Variants in FGF14 observed in about 807,000 individuals in gnomAD.
FGF14 encodes fibroblast growth factor 14, also known as fibroblast growth factor homologous factor 4.
Under a neutral mutation model 25.5 loss-of-function variants are expected in FGF14, and 5 were observed. That is an observed-to-expected ratio of 0.20 (90% CI 0.10 to 0.41). FGF14 has a LOEUF of 0.41. Ranked by LOEUF, FGF14 falls within the 10% of genes least tolerant of loss-of-function variation. The probability of loss-of-function intolerance (pLI) is 1.00; values close to 1 mark genes in which losing one functional copy is unlikely to be tolerated. For synonymous variants in FGF14, 138 were observed against 118.3 expected (o/e 1.17, Z -1.08); for missense variants, 222 against 320.1 (o/e 0.69, Z 2.34).
At chr13:102,127,249 C>T (rs1245237847) in intron 1 of FGF14, among the ~76,000 whole-genome samples, 1 of 151,950 alleles carries the variant, frequency 6.6e-6, no homozygotes, top group African/African-American at 2.4e-5. Flanking sequence ...TTATAATAAA[C>T]CTGAAGTATT....
intron 1 of FGF14, among the ~76,000 whole-genome samples, chr13:102,087,575 C>CTTA (rs2043975831): frequency 1.3e-5 from 1 of 79,878 alleles, no homozygotes; most frequent in Non-Finnish European, 2.2e-5. Flanking sequence ...CCATGCCTGG[C>CTTA]TTTTTTTTTT....
In FGF14 at chr13:102,385,975, T is replaced by C. The variant is rs144043477; in HGVS notation, c.208+15496A>G. Among the ~76,000 whole-genome samples, 373 of 152,270 alleles carry C rather than the reference T, an allele frequency of 2.4e-3. 1 individual carries two copies. Among genetic ancestry groups the C allele is most frequent in the Middle Eastern group, 0.02 (6 of 294 alleles). On this transcript the variant is annotated intron_variant, in intron 1 of 4. Transcript: ENST00000376131. Reference sequence around the variant, plus strand: ...TATAGCGTTTAGGAAATAAATATGATGTGTTTTACCCGAACGTCACTTTTA... The same window carrying C: ...TATAGCGTTTAGGAAATAAATATGACGTGTTTTACCCGAACGTCACTTTTA...
chr13:102,309,876 G>T (rs1184224721), intron 1 of FGF14, among the ~76,000 whole-genome samples: 1 of 152,110 alleles, frequency 6.6e-6, no homozygotes, highest in Non-Finnish European at 1.5e-5. Flanking sequence ...TTGAATCTCA[G>T]CAACTCTTGG....
Position 102,051,375 on chromosome 13 carries a change from G to A in FGF14, c.209-176079C>T, listed in dbSNP as rs114385310. 6.6e-3 allele frequency among the ~76,000 whole-genome samples: 1,005 copies of A among 152,116 alleles called. 8 individuals carry two copies. The highest frequency in any genetic ancestry group is 0.022 in the African/African-American group (924 of 41,504). On this transcript the variant is annotated intron_variant, in intron 1 of 4. Transcript: ENST00000376131. ...TGAGTATCATTGCCATTACTTTCCC[G>A]GATCCCAGAGCCACAGAAACTCTGT...
intron 2 of FGF14, among the ~76,000 whole-genome samples, chr13:101,871,891 A>G (rs75225552): frequency 0.035 from 5,266 of 152,076 alleles, 330 homozygotes; most frequent in African/African-American, 0.12. Flanking sequence ...TTTACCCATC[A>G]TCCACAATTT....
chr13:101,963,285 T>C (rs1366999711), intron 1 of FGF14, among the ~76,000 whole-genome samples: 1 of 152,238 alleles, frequency 6.6e-6, no homozygotes, highest in Non-Finnish European at 1.5e-5. Flanking sequence ...ATTTTATTTA[T>C]CTAGGGAGTG....
At chr13:102,174,113 A>G (rs1056920467) in intron 1 of FGF14, among the ~76,000 whole-genome samples, 2 of 151,034 alleles carry the variant, frequency 1.3e-5, no homozygotes, top group South Asian at 4.2e-4. Context: ...TACGAAACAA[A>G]ACATGCAAAA....
chr13:101,899,765 A>C (rs2138972316), intron 1 of FGF14, among the ~76,000 whole-genome samples: 1 of 152,234 alleles, frequency 6.6e-6, no homozygotes. Flanking sequence ...TGAAGGCAAA[A>C]ACTGACAGGT....
At chr13:102,115,340 T>C (rs142031334) in intron 1 of FGF14, among the ~76,000 whole-genome samples, 32 of 152,308 alleles carry the variant, frequency 2.1e-4, no homozygotes, top group Non-Finnish European at 4.0e-4. Flanking sequence ...TGCAGTCTTA[T>C]CACAATCATC....
chr13:101,784,850 T>C (rs1469877348), intron 3 of FGF14, among the ~76,000 whole-genome samples: 1 of 152,182 alleles, frequency 6.6e-6, no homozygotes. Flanking sequence ...CTCATATCAC[T>C]GCATACGCAA....
At chr13:102,170,499 G>A (rs2048203393) in intron 1 of FGF14, among the ~76,000 whole-genome samples, 3 of 152,140 alleles carry the variant, frequency 2.0e-5, no homozygotes, top group African/African-American at 7.2e-5. Flanking sequence ...CAGAAGCACA[G>A]CGTGACATTT....
intron 3 of FGF14, among the ~76,000 whole-genome samples, chr13:101,823,346 CA>C (rs988828372): frequency 8.0e-5 from 12 of 149,254 alleles, no homozygotes; most frequent in African/African-American, 2.7e-4. Flanking sequence ...TATATACATA[CA>C]AAAAATAGTA....
intron 1 of FGF14, among the ~76,000 whole-genome samples, chr13:102,129,813 G>A (rs1444267249): frequency 6.6e-6 from 1 of 152,012 alleles, no homozygotes; most frequent in African/African-American, 2.4e-5. Context: ...TTGTACACAT[G>A]TACCCTAAAA....
intron 1 of FGF14, among the ~76,000 whole-genome samples, chr13:102,192,529 T>C (rs1016962592): frequency 1.3e-5 from 2 of 152,176 alleles, no homozygotes; most frequent in Non-Finnish European, 2.9e-5. Flanking sequence ...CTTAACAATT[T>C]CTTCTTCAAC....
chr13:102,066,301 T>C (rs1287755315), intron 1 of FGF14, among the ~76,000 whole-genome samples: 1 of 152,214 alleles, frequency 6.6e-6, no homozygotes, highest in Admixed American at 6.5e-5. Flanking sequence ...TCCTTTATCA[T>C]TGTTACTGTA....
intron 1 of FGF14, among the ~76,000 whole-genome samples, chr13:101,975,391 C>G (rs1450681679): frequency 6.6e-6 from 1 of 152,114 alleles, no homozygotes; most frequent in Non-Finnish European, 1.5e-5. Context: ...CCATGAACAC[C>G]ACCTTCTCCA....
chr13:101,897,852 T>C (rs919014535), intron 1 of FGF14, among the ~76,000 whole-genome samples: 59 of 152,186 alleles, frequency 3.9e-4, no homozygotes, highest in African/African-American at 1.3e-3. Context: ...ATGGTTATGC[T>C]CAAAGTAAAT....
intron 1 of FGF14, among the ~76,000 whole-genome samples, chr13:102,145,861 GAT>G (rs1708618149): frequency 6.6e-6 from 1 of 152,090 alleles, no homozygotes; most frequent in South Asian, 2.1e-4. Flanking sequence ...GAGTGCAAGA[GAT>G]ATGAAATCCA....
At chr13:102,161,650 AAGAAGAAGAAG>A (rs2047734140) in intron 1 of FGF14, among the ~76,000 whole-genome samples, 1 of 42,848 alleles carries the variant, frequency 2.3e-5, no homozygotes. Flanking sequence ...GAAGAAGAAG[AAGAAGAAGAAG>A]AAGAAGAAGA....
Sources: gnomAD v4.1 joint callset for allele counts (sites outside exome capture counted in the v4.1 genomes callset) on GRCh38, gnomAD v4.1.1 for gene constraint, MANE v1.5 for transcripts, NCBI Gene and HGNC (gene_info 2026-07-23, HGNC 2026-07-21) for gene names.